GALNTL6: variants seen among roughly 807,000 people sequenced by gnomAD.
GALNTL6 encodes the protein polypeptide N-acetylgalactosaminyltransferase like 6, also known as polypeptide N-acetylgalactosaminyltransferase-like 6.
GALNTL6 carries 46 observed loss-of-function variants against 73.7 expected under a neutral mutation model. That is an observed-to-expected ratio of 0.62 (90% CI 0.49 to 0.80). The LOEUF is 0.80. Ranked by LOEUF, GALNTL6 falls within the 30% of genes least tolerant of loss-of-function variation. GALNTL6 has a pLI of 0.00. For synonymous variants in GALNTL6, 259 were observed against 263.7 expected (o/e 0.98, Z 0.17); for missense variants, 604 against 755.0 (o/e 0.80, Z 2.34).
At chr4:171,841,818 A>C (rs1419350082) in intron 2 of GALNTL6, among the ~76,000 whole-genome samples, 1 of 152,080 alleles carries the variant, frequency 6.6e-6, no homozygotes, top group Non-Finnish European at 1.5e-5. Flanking sequence ...AGTTTTTTTA[A>C]TTGAAAAAAT....
At chr4:171,888,909 C>T (rs2110923030) in intron 2 of GALNTL6, among the ~76,000 whole-genome samples, 1 of 152,172 alleles carries the variant, frequency 6.6e-6, no homozygotes, top group East Asian at 1.9e-4. Flanking sequence ...GTAGACCAAA[C>T]ACGTTCTATG....
At chr4:172,354,227 A>G (rs184742656) in intron 5 of GALNTL6, among the ~76,000 whole-genome samples, 10 of 152,292 alleles carry the variant, frequency 6.6e-5, no homozygotes, top group Non-Finnish European at 1.0e-4. Flanking sequence ...GTCACTCTAA[A>G]TAAATCTTGG....
intron 5 of GALNTL6, among the ~76,000 whole-genome samples, chr4:172,427,950 G>T (rs1355403941): frequency 6.6e-6 from 1 of 152,174 alleles, no homozygotes; most frequent in Non-Finnish European, 1.5e-5. Context: ...AAAGAGCAAA[G>T]AGAGTGTCCT....
In GALNTL6 at chr4:172,023,554, T is replaced by C. The variant is rs1741466177; in HGVS notation, c.139-206102T>C. ...TTAATTACTTTTCTTATTTCAACTC[T>C]TTCATGCTTTACTCTTCAGGTGACT... On this transcript the variant is annotated intron_variant, in intron 2 of 12. Coordinates refer to ENST00000506823, the MANE Select transcript of GALNTL6 (RefSeq NM_001034845.3). Among the ~76,000 whole-genome samples the C allele has an allele frequency of 2.0e-5, 3 of 151,916 alleles. No individual in the cohort carries two copies. In the South Asian group the frequency reaches 6.2e-4, roughly 31 times the overall value.
intron 5 of GALNTL6, among the ~76,000 whole-genome samples, chr4:172,430,037 G>A (rs335977): frequency 0.88 from 133,139 of 151,772 alleles, 58,436 homozygotes; most frequent in South Asian, 0.89. Context: ...TTACAACTTA[G>A]TATGAATGCG....
rs1553962815 is a variant in GALNTL6, at chr4:172,583,920, A to AAT, written c.554-225441_554-225440insAT. Among the ~76,000 whole-genome samples the AAT allele has an allele frequency of 2.9e-4, 39 of 135,534 alleles. 1 individual carries two copies. The highest frequency in any genetic ancestry group is 3.4e-4 in the Non-Finnish European group (21 of 61,582). The allele number at this position is 135,534 out of a possible 152,430, so 88.9% of individuals were successfully genotyped here. A position where few individuals can be genotyped will look rare whatever the true frequency, so the allele number is the denominator to read the frequency against. On this transcript the variant is annotated intron_variant, in intron 5 of 12. Coordinates refer to ENST00000506823, the MANE Select transcript of GALNTL6 (RefSeq NM_001034845.3). Reference sequence around the variant, plus strand: ...AAAAAAAAAAAAAAAAAAAAAAAAAATCAGATGCTGGGCAGTAGAACGCAA... The same window carrying AAT: ...AAAAAAAAAAAAAAAAAAAAAAAAAAATTCAGATGCTGGGCAGTAGAACGCAA...
intron 5 of GALNTL6, among the ~76,000 whole-genome samples, chr4:172,390,077 T>A (rs1279785537): frequency 6.6e-6 from 1 of 152,204 alleles, no homozygotes; most frequent in Admixed American, 6.5e-5. Flanking sequence ...CAATTTCTGC[T>A]ATTTAAATTT....
chr4:172,013,362 T>G (rs1001663799), intron 2 of GALNTL6, among the ~76,000 whole-genome samples: 8 of 152,208 alleles, frequency 5.3e-5, no homozygotes, highest in African/African-American at 1.9e-4. Context: ...ACTCTACTTT[T>G]ATGAGATCAA....
rs568179070 is a variant in GALNTL6 at position 172,773,028 on chromosome 4, G to C, written c.554-36333G>C. On this transcript the variant is annotated intron_variant, in intron 5 of 12. Coordinates refer to ENST00000506823, the MANE Select transcript of GALNTL6 (RefSeq NM_001034845.3). ...AGAGGAACGGAACCTCCCTGGCACT[G>C]ACTGAAGAATGTAGTAAAACAAAAC... 2.6e-5 allele frequency among the ~76,000 whole-genome samples: 4 copies of C among 152,316 alleles called. No homozygotes were observed. The South Asian group carries it at 8.3e-4, about 32-fold the overall frequency.
At chr4:172,035,396 A>T (rs974191345) in intron 2 of GALNTL6, among the ~76,000 whole-genome samples, 1 of 152,150 alleles carries the variant, frequency 6.6e-6, no homozygotes, top group Non-Finnish European at 1.5e-5. Context: ...GGCAGTGGAT[A>T]TTATGCCTAG....
intron 10 of GALNTL6, among the ~76,000 whole-genome samples, chr4:172,957,817 G>T (rs904236049): frequency 1.3e-5 from 2 of 152,162 alleles, no homozygotes; most frequent in Non-Finnish European, 2.9e-5. Context: ...GTGGAGGGGG[G>T]CAGAGCAGTA....
chr4:172,231,380 A>G (rs551974680), intron 3 of GALNTL6, among the ~76,000 whole-genome samples: 1 of 152,326 alleles, frequency 6.6e-6, no homozygotes, highest in East Asian at 1.9e-4. Context: ...AAACCTCAGA[A>G]TAACTCTGAT....
intron 7 of GALNTL6, among the ~76,000 whole-genome samples, chr4:172,841,515 G>A (rs777536232): frequency 1.3e-4 from 20 of 152,058 alleles, no homozygotes; most frequent in Non-Finnish European, 2.6e-4. Context: ...CCCAACAATG[G>A]GTAATTTATA....
At chr4:171,852,938 C>T (rs1288639328) in intron 2 of GALNTL6, among the ~76,000 whole-genome samples, 1 of 151,488 alleles carries the variant, frequency 6.6e-6, no homozygotes, top group Non-Finnish European at 1.5e-5. Context: ...GCTCCGCCTC[C>T]TGGGTTCACG....
intron 5 of GALNTL6, among the ~76,000 whole-genome samples, chr4:172,772,863 A>G (rs946134674): frequency 1.3e-5 from 2 of 152,204 alleles, no homozygotes; most frequent in Admixed American, 6.5e-5. Flanking sequence ...GGTGCTAAAT[A>G]TAATTTCAAG....
intron 5 of GALNTL6, among the ~76,000 whole-genome samples, chr4:172,703,710 A>G (rs921305043): frequency 6.6e-6 from 1 of 151,936 alleles, no homozygotes; most frequent in Non-Finnish European, 1.5e-5. Context: ...ACCTTGTACA[A>G]TGAATTTGGG....
chr4:172,548,107 G>A (rs918522229), intron 5 of GALNTL6, among the ~76,000 whole-genome samples: 10 of 152,260 alleles, frequency 6.6e-5, no homozygotes, highest in Middle Eastern at 3.4e-3. Context: ...ACACGGAGAA[G>A]GTTCTATAAA....
chr4:172,187,779 T>A (rs1348985330), intron 2 of GALNTL6, among the ~76,000 whole-genome samples: 2 of 152,154 alleles, frequency 1.3e-5, no homozygotes, highest in African/African-American at 4.8e-5. Flanking sequence ...TATTATGCTG[T>A]TTCTTAAAAT....
intron 5 of GALNTL6, among the ~76,000 whole-genome samples, chr4:172,791,702 A>C (rs1363817485): frequency 2.6e-5 from 4 of 152,202 alleles, no homozygotes; most frequent in Non-Finnish European, 5.9e-5. Flanking sequence ...GATAAATTTT[A>C]GAGCAAAGCA....
Sources: gnomAD v4.1 joint callset for allele counts (sites outside exome capture counted in the v4.1 genomes callset) on GRCh38, gnomAD v4.1.1 for gene constraint, MANE v1.5 for transcripts, NCBI Gene and HGNC (gene_info 2026-07-23, HGNC 2026-07-21) for gene names.